The following CADM2 variants were observed in gnomAD, a reference collection of about 807,000 sequenced individuals.
CADM2 encodes the protein cell adhesion molecule 2, also known as immunoglobulin superfamily member 4D.
CADM2 carries 12 observed loss-of-function variants against 49.8 expected under a neutral mutation model. That is an observed-to-expected ratio of 0.24 (90% confidence interval 0.15 to 0.39). The LOEUF (loss-of-function observed/expected upper bound fraction) is 0.39. Ranked by LOEUF, CADM2 falls within the 10% of genes least tolerant of loss-of-function variation. CADM2 has a pLI of 1.00. For missense variants in CADM2, 378 were observed against 492.3 expected, an observed-to-expected ratio of 0.77 and a Z score of 2.20; for synonymous variants, 214 against 175.4, an observed-to-expected ratio of 1.22 and a Z score of -1.74.
intron 1 of CADM2, among the ~76,000 whole-genome samples, chr3:85,175,858 G>A (rs927001534): frequency 6.6e-6 from 1 of 150,682 alleles, no homozygotes; most frequent in Non-Finnish European, 1.5e-5. Context: ...TAAAAAATGT[G>A]CGTCACATCC....
At chr3:85,612,692 C>A (rs2063709306) in intron 1 of CADM2, among the ~76,000 whole-genome samples, 1 of 151,398 alleles carries the variant, frequency 6.6e-6, no homozygotes, top group South Asian at 2.1e-4. Context: ...AATCTGAAAA[C>A]AATTTATTAT....
intron 1 of CADM2, among the ~76,000 whole-genome samples, chr3:85,440,467 A>G (rs2037148505): frequency 6.6e-6 from 1 of 152,142 alleles, no homozygotes; most frequent in Admixed American, 6.6e-5. Context: ...ATAAAAGCCT[A>G]TTTGAAGAGA....
At chr3:85,502,573 T>C (rs1399325219) in intron 1 of CADM2, among the ~76,000 whole-genome samples, 2 of 152,152 alleles carry the variant, frequency 1.3e-5, no homozygotes, top group African/African-American at 2.4e-5. Flanking sequence ...CTTTTAAACA[T>C]GTCCAAAATG....
In CADM2 at chr3:85,967,793, C is replaced by G. The variant is rs972270042; in HGVS notation, c.970+6146C>G. On this transcript the variant is annotated intron_variant, in intron 8 of 9. Coordinates refer to ENST00000383699, the MANE Select transcript of CADM2 (RefSeq NM_001167675.2). ...TTTAGGCAAGGTGATCTTTACAGGT[C>G]ACACTGAGAACTAGGAGAGTACATC... is the stretch of plus-strand genomic sequence containing the variant. Among the ~76,000 whole-genome samples the G allele has an allele frequency of 2.6e-5, 4 of 151,398 alleles. No individual in the cohort carries two copies. The Admixed American group carries it at 2.6e-4, about 10-fold the overall frequency.
chr3:85,387,088 C>T lies in CADM2; in HGVS notation c.62-339434C>T, dbSNP rs114298419. ...CTCTGGGAGTTAGGAGAGAATTTGT[C>T]TCATGGAGCCGCTGGGGGAAAAGGT... On this transcript the variant is annotated intron_variant, in intron 1 of 9. Coordinates refer to ENST00000383699, the MANE Select transcript of CADM2 (RefSeq NM_001167675.2). 5.1e-3 allele frequency among the ~76,000 whole-genome samples: 772 copies of T among 152,136 alleles called. 4 individuals carry two copies. Among genetic ancestry groups the T allele is most frequent in the Middle Eastern group, 0.01 (3 of 294 alleles).
intron 1 of CADM2, among the ~76,000 whole-genome samples, chr3:85,325,613 C>T (rs978734394): frequency 9.3e-5 from 14 of 150,556 alleles, no homozygotes; most frequent in Non-Finnish European, 1.6e-4. Context: ...TCACTTGAAC[C>T]TGGGAGGCGG....
intron 8 of CADM2, among the ~76,000 whole-genome samples, chr3:86,039,861 G>C (rs1054223704): frequency 1.1e-4 from 17 of 152,140 alleles, no homozygotes; most frequent in Non-Finnish European, 1.5e-4. Flanking sequence ...AACACACATG[G>C]CTGGGTTCTC....
chr3:85,543,420 A>ATGTGTGTGTGTGTGTGTG lies in CADM2; in HGVS notation c.62-183082_62-183065dup, dbSNP rs34654299. On this transcript the variant is annotated intron_variant, in intron 1 of 9. Coordinates refer to ENST00000383699, the MANE Select transcript of CADM2 (RefSeq NM_001167675.2). ...CAGGCACCGCCACCATGCCAAGCTA[A>ATGTGTGTGTGTGTGTGTG]TGTGTGTGTGTGTGTGTGTGTGTGT... Among the ~76,000 whole-genome samples, 169 of 129,624 alleles carry ATGTGTGTGTGTGTGTGTG rather than the reference A, an allele frequency of 1.3e-3. 4 individuals are homozygous for ATGTGTGTGTGTGTGTGTG. The East Asian group carries it at 0.042, about 32-fold the overall frequency. 85.0% of individuals were successfully genotyped at this position (129,624 alleles called of 152,430 possible).
At chr3:85,092,939 G>A (rs1417494836) in intron 1 of CADM2, among the ~76,000 whole-genome samples, 1 of 151,998 alleles carries the variant, frequency 6.6e-6, no homozygotes, top group Non-Finnish European at 1.5e-5. Context: ...AGTTTGTCAG[G>A]TTTTATTGTC....
intron 2 of CADM2, among the ~76,000 whole-genome samples, chr3:85,745,742 G>A (rs1480730783): frequency 1.3e-5 from 2 of 152,130 alleles, no homozygotes; most frequent in East Asian, 1.9e-4. Context: ...GTGCATGCCT[G>A]TAGTCCCAGC....
intron 1 of CADM2, among the ~76,000 whole-genome samples, chr3:85,359,871 A>T (rs927757453): frequency 2.0e-5 from 3 of 150,780 alleles, no homozygotes; most frequent in African/African-American, 7.3e-5. Flanking sequence ...ATTAAACTAA[A>T]TTACTATATT....
intron 1 of CADM2, among the ~76,000 whole-genome samples, chr3:85,049,585 C>T (rs1047729747): frequency 3.3e-5 from 5 of 151,844 alleles, no homozygotes; most frequent in African/African-American, 7.3e-5. Flanking sequence ...CTCCTGACCT[C>T]GTGATCTGCC....
At chr3:85,781,359 G>C (rs1029700938) in intron 2 of CADM2, among the ~76,000 whole-genome samples, 2 of 151,912 alleles carry the variant, frequency 1.3e-5, no homozygotes, top group Non-Finnish European at 2.9e-5. Flanking sequence ...ATGAATTTAG[G>C]TACTCTCTTT....
At chr3:85,027,869 C>A (rs1355550866) in intron 1 of CADM2, among the ~76,000 whole-genome samples, 2 of 152,050 alleles carry the variant, frequency 1.3e-5, no homozygotes, top group African/African-American at 4.8e-5. Flanking sequence ...GGAATATTTG[C>A]CCAAACCAGT....
intron 1 of CADM2, among the ~76,000 whole-genome samples, chr3:85,327,581 CACACACACCA>C (rs1218414270): frequency 2.1e-5 from 3 of 144,798 alleles, no homozygotes; most frequent in African/African-American, 8.3e-5. Context: ...CACACACACA[CACACACACCA>C]CACACACACA....
chr3:85,955,485 A>T (rs1280168162), intron 7 of CADM2, among the ~76,000 whole-genome samples: 2 of 151,474 alleles, frequency 1.3e-5, no homozygotes, highest in Non-Finnish European at 3.0e-5. Context: ...GCAAGAACCT[A>T]AAAGAGGGGA....
intron 1 of CADM2, among the ~76,000 whole-genome samples, chr3:85,305,980 C>T (rs943122004): frequency 6.6e-6 from 1 of 151,708 alleles, no homozygotes; most frequent in African/African-American, 2.4e-5. Context: ...CCAATCATGA[C>T]CAACACATTA....
intron 8 of CADM2, among the ~76,000 whole-genome samples, chr3:86,047,841 T>C (rs1313811856): frequency 6.6e-6 from 1 of 152,184 alleles, no homozygotes; most frequent in Non-Finnish European, 1.5e-5. Flanking sequence ...AGACAACTTC[T>C]ACAATTAAAC....
At chr3:85,425,237 T>A (rs1306712999) in intron 1 of CADM2, among the ~76,000 whole-genome samples, 1 of 152,208 alleles carries the variant, frequency 6.6e-6, no homozygotes, top group Non-Finnish European at 1.5e-5. Context: ...AAAGAGAATG[T>A]TCAGCTATAA....
Sources: allele counts gnomAD v4.1 joint callset (sites outside exome capture counted in the v4.1 genomes callset), GRCh38; gene constraint gnomAD v4.1.1; transcripts MANE v1.5; gene names NCBI Gene and HGNC (gene_info 2026-07-23, HGNC 2026-07-21).